Variants in DNAJB6 observed in about 807,000 individuals in gnomAD.
DNAJB6 encodes the protein DnaJ heat shock protein family (Hsp40) member B6, also known as dnaJ homolog subfamily B member 6.
In DNAJB6, 16 loss-of-function variants were observed where a neutral mutation model predicts 42.7. The observed-to-expected ratio is 0.37, with a 90% CI of 0.25 to 0.57. The LOEUF is 0.57. Ranked by LOEUF, DNAJB6 falls within the 20% of genes least tolerant of loss-of-function variation. The pLI is 0.74. For synonymous variants in DNAJB6, 170 were observed against 163.5 expected (o/e 1.04, Z -0.30); for missense variants, 347 against 416.8 (o/e 0.83, Z 1.46).
chr7:157,395,236 G>C (rs1042428610), intron 8 of DNAJB6, among the ~76,000 whole-genome samples: 9 of 152,220 alleles, frequency 5.9e-5, no homozygotes, highest in East Asian at 1.9e-4. Flanking sequence ...GCTGGGGGGG[G>C]GTTGGTGCTG....
At position 157,382,310 on chromosome 7, in the gene DNAJB6, G is replaced by A. The variant is rs749714667; in HGVS notation, c.411G>A (p.Thr137=). The A allele has an allele frequency of 6.8e-6, 11 of 1,611,990 alleles. No individual in the cohort carries two copies. Among genetic ancestry groups the A allele is most frequent in the Middle Eastern group, 1.9e-4 (1 of 5,342 alleles). The part of the protein sequence containing the change: ...RGPRGSRSRG[T]GSFFSAFSGF... ...CCCGAGGAAGCAGAAGCCGAGGGAC[G>A]GGGTCGTTTTTCTCTGCGTTCAGTG... Residue 137 remains threonine (T), a synonymous_variant, in exon 6 of 10, where the codon ACG becomes ACA. Transcript: ENST00000262177.
chr7:157,344,698 G>A (rs1211907603), intron 1 of DNAJB6, among the ~76,000 whole-genome samples: 1 of 152,000 alleles, frequency 6.6e-6, no homozygotes. Flanking sequence ...CACTAGCATC[G>A]ACTGCCTGGG....
intron 8 of DNAJB6, among the ~76,000 whole-genome samples, chr7:157,402,703 A>T (rs1260614371): frequency 6.6e-6 from 1 of 152,234 alleles, no homozygotes; most frequent in Non-Finnish European, 1.5e-5. Flanking sequence ...CCTACGGTGC[A>T]TGGGTGGTCC....
At chr7:157,399,360 A>ACTT (rs1463014752) in intron 8 of DNAJB6, among the ~76,000 whole-genome samples, 5 of 152,200 alleles carry the variant, frequency 3.3e-5, no homozygotes, top group African/African-American at 1.2e-4. Context: ...GGTGCTAAAG[A>ACTT]ACAGCCCTGA....
At chr7:157,342,491 C>T (rs1156888955) in intron 1 of DNAJB6, among the ~76,000 whole-genome samples, 4 of 152,036 alleles carry the variant, frequency 2.6e-5, no homozygotes, top group African/African-American at 7.2e-5. Flanking sequence ...GCATGCACCA[C>T]GACACCCAGC....
At chr7:157,394,854 T>G (rs1387533129) in intron 8 of DNAJB6, among the ~76,000 whole-genome samples, 1 of 152,322 alleles carries the variant, frequency 6.6e-6, no homozygotes, top group East Asian at 1.9e-4. Context: ...TCCAGCACTT[T>G]GGGAGGCTGA....
intron 1 of DNAJB6, among the ~76,000 whole-genome samples, chr7:157,341,845 G>A (rs190581491): frequency 3.3e-5 from 5 of 152,152 alleles, no homozygotes; most frequent in African/African-American, 1.2e-4. Flanking sequence ...AGTTTCAGCA[G>A]CACTGGAGAC....
intron 5 of DNAJB6, among the ~76,000 whole-genome samples, chr7:157,371,246 A>G (rs1417503631): frequency 6.6e-6 from 1 of 152,252 alleles, no homozygotes; most frequent in East Asian, 1.9e-4. Flanking sequence ...CGCTGTTGAC[A>G]AATCATATTT....
chr7:157,398,079 CG>C (rs1801682901), intron 8 of DNAJB6, among the ~76,000 whole-genome samples: 1 of 152,176 alleles, frequency 6.6e-6, no homozygotes, highest in Non-Finnish European at 1.5e-5. Context: ...GGGTTCCTAG[CG>C]TTTCCCCAGC....
chr7:157,379,135 A>T (rs1382893028), intron 5 of DNAJB6: 1 of 152,218 alleles, frequency 6.6e-6, no homozygotes, highest in Admixed American at 6.5e-5. Context: ...CATAGTACTC[A>T]GCCAGCTTTT....
Position 157,369,344 on chromosome 7 carries a change from A to G in DNAJB6, c.346+1861A>G, listed in dbSNP as rs75491640. 1,670 of 456,712 alleles carry G rather than the reference A, an allele frequency of 3.7e-3. 22 individuals carry two copies. Among genetic ancestry groups the G allele is most frequent in the African/African-American group, 0.031 (1,546 of 50,190 alleles). 28.3% of individuals were successfully genotyped at this position (456,712 alleles called of 1,614,324 possible). Reference sequence around the variant, plus strand: ...CTTGCTGTAGCCTTCAGCAAACTGCATTTGTTGCTTTGCAGGACAGGGCAG... The same window carrying G: ...CTTGCTGTAGCCTTCAGCAAACTGCGTTTGTTGCTTTGCAGGACAGGGCAG... On this transcript the variant is annotated intron_variant, in intron 5 of 9. Coordinates refer to ENST00000262177, the MANE Select transcript of DNAJB6 (RefSeq NM_058246.4).
At chr7:157,349,144 T>C (rs1372177960) in intron 1 of DNAJB6, among the ~76,000 whole-genome samples, 1 of 152,054 alleles carries the variant, frequency 6.6e-6, no homozygotes, top group Non-Finnish European at 1.5e-5. Flanking sequence ...GGCCTCCCAG[T>C]AGTGCTGGGA....
intron 2 of DNAJB6, among the ~76,000 whole-genome samples, chr7:157,362,618 C>T (rs866116943): frequency 1.1e-4 from 16 of 152,210 alleles, no homozygotes; most frequent in Middle Eastern, 3.4e-3. Flanking sequence ...AGGTGATCTG[C>T]CCACCTCCCA....
chr7:157,405,077 G>A (rs368052604), intron 8 of DNAJB6, among the ~76,000 whole-genome samples: 3 of 152,168 alleles, frequency 2.0e-5, no homozygotes, highest in Admixed American at 6.5e-5. Context: ...AGGGTCCTTG[G>A]GTCACTGACA....
intron 7 of DNAJB6, 51 bp downstream of exon 7, chr7:157,385,059 C>T: frequency 6.4e-7 from 1 of 1,569,716 alleles, no homozygotes; most frequent in Non-Finnish European, 8.7e-7. Flanking sequence ...CGTAACGTTT[C>T]ACTGGTGCCA....
chr7:157,360,584 A>G, intron 2 of DNAJB6, among the ~76,000 whole-genome samples: 1 of 152,224 alleles, frequency 6.6e-6, no homozygotes, highest in East Asian at 1.9e-4. Flanking sequence ...ACGTTGAAGT[A>G]GGAATTTAGA....
At chr7:157,385,055 G>A (rs369272361) in intron 7 of DNAJB6, 47 bp downstream of exon 7, 6 of 1,579,062 alleles carry the variant, frequency 3.8e-6, no homozygotes, top group Admixed American at 1.7e-5. Flanking sequence ...CAGGCGTAAC[G>A]TTTCACTGGT....
intron 8 of DNAJB6, among the ~76,000 whole-genome samples, chr7:157,387,295 C>G (rs780020556): frequency 6.6e-6 from 1 of 152,170 alleles, no homozygotes; most frequent in Non-Finnish European, 1.5e-5. Context: ...TCTGTTGTGT[C>G]GGAAATAACC....
At chr7:157,342,160 A>G (rs1022956617) in intron 1 of DNAJB6, among the ~76,000 whole-genome samples, 2 of 149,402 alleles carry the variant, frequency 1.3e-5, no homozygotes, top group Non-Finnish European at 3.0e-5. Flanking sequence ...GCCTGGCCCT[A>G]TTTTATTATA....
Sources: gnomAD v4.1 joint callset for allele counts (sites outside exome capture counted in the v4.1 genomes callset) on GRCh38, gnomAD v4.1.1 for gene constraint, MANE v1.5 for transcripts, NCBI Gene and HGNC (gene_info 2026-07-23, HGNC 2026-07-21) for gene names.